HPSE2: variants seen among roughly 807,000 people sequenced by gnomAD.
HPSE2 encodes heparanase 2 (inactive).
In HPSE2, 38 loss-of-function variants were observed where a neutral mutation model predicts 60.5. That is an observed-to-expected ratio of 0.63 (90% CI 0.48 to 0.82). The LOEUF is 0.82. Ranked by LOEUF, HPSE2 falls within the 40% of genes least tolerant of loss-of-function variation. The pLI, the probability that HPSE2 is intolerant of heterozygous loss-of-function variation, is 0.00. For synonymous variants in HPSE2, 295 were observed against 293.2 expected (o/e 1.01, Z -0.06); for missense variants, 713 against 740.4 (o/e 0.96, Z 0.43).
At chr10:99,132,909 G>A (rs1214164465) in intron 3 of HPSE2, among the ~76,000 whole-genome samples, 1 of 152,272 alleles carries the variant, frequency 6.6e-6, no homozygotes, top group East Asian at 1.9e-4. Context: ...CCCCTGGAAA[G>A]GGGTGCTGAA....
chr10:98,934,016 G>A (rs1954717739), intron 3 of HPSE2, among the ~76,000 whole-genome samples: 1 of 143,912 alleles, frequency 6.9e-6, no homozygotes, highest in African/African-American at 2.8e-5. Flanking sequence ...ACAGGCTTGA[G>A]CCAGTGAGCC....
In HPSE2 at chr10:99,235,074, C is replaced by CAG. The variant is rs1554927229; in HGVS notation, c.290+438_290+439insCT. Among the ~76,000 whole-genome samples the CAG allele has an allele frequency of 7.3e-5, 11 of 151,550 alleles. 1 individual carries two copies. The highest frequency in any genetic ancestry group is 1.5e-4 in the African/African-American group (6 of 41,316). On this transcript the variant is annotated intron_variant, in intron 1 of 11. Coordinates refer to ENST00000370552, the MANE Select transcript of HPSE2 (RefSeq NM_021828.5). The stretch of plus-strand genomic sequence containing the variant: ...TTTCGTGCAATCCCGCTTGAACACT[C>CAG]ACACACACACACTCTCCTGTCTCAC...
At chr10:98,461,838 C>T (rs191790411) in intron 11 of HPSE2, 115 of 1,568,798 alleles carry the variant, frequency 7.3e-5, no homozygotes, top group Middle Eastern at 5.0e-4. Flanking sequence ...TGCAAAACAA[C>T]GTGTGATTAG....
At chr10:98,549,386 ATGT>A (rs201723059) in intron 9 of HPSE2, among the ~76,000 whole-genome samples, 1 of 38,108 alleles carries the variant, frequency 2.6e-5, no homozygotes, top group South Asian at 2.2e-3. Context: ...ATGAAGATAA[ATGT>A]CGTATTCATT....
chr10:99,087,006 G>C (rs912575453), intron 3 of HPSE2, among the ~76,000 whole-genome samples: 2 of 152,206 alleles, frequency 1.3e-5, no homozygotes, highest in African/African-American at 4.8e-5. Context: ...CTAGCTTGAA[G>C]AATGTTTGGG....
At chr10:99,100,722 A>C (rs887738411) in intron 3 of HPSE2, among the ~76,000 whole-genome samples, 2 of 152,194 alleles carry the variant, frequency 1.3e-5, no homozygotes, top group Non-Finnish European at 1.5e-5. Context: ...GAAGGAAAAA[A>C]TGTTAAGGGC....
At chr10:98,593,569 C>T (rs1198786378) in intron 9 of HPSE2, among the ~76,000 whole-genome samples, 2 of 151,966 alleles carry the variant, frequency 1.3e-5, no homozygotes, top group Non-Finnish European at 2.9e-5. Context: ...CTGTGATGAT[C>T]CAGACAAGAA....
At chr10:99,054,143 G>GA (rs111555486) in intron 3 of HPSE2, among the ~76,000 whole-genome samples, 18 of 152,202 alleles carry the variant, frequency 1.2e-4, no homozygotes, top group African/African-American at 4.1e-4. Flanking sequence ...AGACATCAGA[G>GA]AAAAGGTGGC....
rs575642497 is a variant in HPSE2 at position 98,505,702 on chromosome 10, G to A, written c.1321-15506C>T. Among the ~76,000 whole-genome samples the A allele has an allele frequency of 7.2e-4, 110 of 152,108 alleles. No individual in the cohort carries two copies. In the South Asian group the frequency reaches 0.022, roughly 31 times the overall value. ...TTTAACCAATCTAGAATTGGTCTGG[G>A]GTACTTATGAGATAGGTATATAATT... is the stretch of plus-strand genomic sequence containing the variant. On this transcript the variant is annotated intron_variant, in intron 9 of 11. Transcript: ENST00000370552.
At chr10:98,757,712 C>T (rs1949909917) in intron 3 of HPSE2, among the ~76,000 whole-genome samples, 1 of 151,994 alleles carries the variant, frequency 6.6e-6, no homozygotes, top group South Asian at 2.1e-4. Flanking sequence ...AGTGGAAAAA[C>T]ATTTCATGCA....
chr10:98,808,792 A>G (rs1042857693), intron 3 of HPSE2, among the ~76,000 whole-genome samples: 1 of 152,136 alleles, frequency 6.6e-6, no homozygotes, highest in Admixed American at 6.5e-5. Context: ...TATTACATTT[A>G]GAGTGCCCTT....
chr10:99,295,361 G>A, the HPSE2 span, among the ~76,000 whole-genome samples: 3 of 151,858 alleles, frequency 2.0e-5, no homozygotes, highest in African/African-American at 7.3e-5. Flanking sequence ...AATGAATTAT[G>A]GTATGTCCAC....
chr10:99,129,369 T>C (rs977364434), intron 3 of HPSE2, among the ~76,000 whole-genome samples: 2 of 152,150 alleles, frequency 1.3e-5, no homozygotes, highest in African/African-American at 4.8e-5. Context: ...TGCACCAAGA[T>C]AGACCATATA....
At chr10:98,946,995 G>T (rs1955205196) in intron 3 of HPSE2, among the ~76,000 whole-genome samples, 1 of 145,414 alleles carries the variant, frequency 6.9e-6, no homozygotes, top group African/African-American at 2.7e-5. Context: ...GAAACCATGG[G>T]GCCCATAAGG....
chr10:98,647,843 ACT>A (rs1408945403), intron 6 of HPSE2, among the ~76,000 whole-genome samples: 2 of 152,192 alleles, frequency 1.3e-5, no homozygotes, highest in South Asian at 4.1e-4. Context: ...TGAAATGAAC[ACT>A]GTTACAAAAA....
At chr10:99,023,387 T>C (rs1957307066) in intron 3 of HPSE2, among the ~76,000 whole-genome samples, 1 of 152,130 alleles carries the variant, frequency 6.6e-6, no homozygotes, top group Admixed American at 6.5e-5. Flanking sequence ...AACTCCAGGA[T>C]GGCACTTCTG....
rs565552530 is a variant in HPSE2, at chr10:99,130,691, A to C, written c.610+13547T>G. Among the ~76,000 whole-genome samples the C allele has an allele frequency of 2.6e-5, 4 of 152,348 alleles. No individual in the cohort carries two copies. In the East Asian group the frequency reaches 7.7e-4, roughly 29 times the overall value. On this transcript the variant is annotated intron_variant, in intron 3 of 11. Transcript: ENST00000370552. ...GAAGTAAAGTAGTCAAAAAGTTAAA[A>C]GGATAAATGGTTACAGGAAAGTAAA...
intron 6 of HPSE2, among the ~76,000 whole-genome samples, chr10:98,690,796 C>G (rs950849373): frequency 6.6e-6 from 1 of 151,926 alleles, no homozygotes; most frequent in Admixed American, 6.6e-5. Context: ...TCTGGGTTTT[C>G]TAAATGGGTT....
chr10:99,239,418 G>GA (rs1849910099), upstream of HPSE2, among the ~76,000 whole-genome samples: 1 of 100,404 alleles, frequency 1.0e-5, no homozygotes, highest in Non-Finnish European at 2.0e-5. Context: ...GTTTGTCAAG[G>GA]TTTTTTTTTT....
Sources: gnomAD v4.1 joint callset for allele counts (sites outside exome capture counted in the v4.1 genomes callset) on GRCh38, gnomAD v4.1.1 for gene constraint, MANE v1.5 for transcripts, NCBI Gene and HGNC (gene_info 2026-07-23, HGNC 2026-07-21) for gene names.